NELL2: variants seen among roughly 807,000 people sequenced by gnomAD.
The protein encoded by NELL2 is protein kinase C-binding protein NELL2.
In NELL2, 41 loss-of-function variants were observed where a neutral mutation model predicts 109.6. The observed-to-expected ratio is 0.37, with a 90% CI of 0.29 to 0.49. The LOEUF is 0.49. Among genes scored for constraint, NELL2 ranks in the 20% least tolerant of loss-of-function variants. The pLI, the probability that NELL2 is intolerant of heterozygous loss-of-function variation, is 0.98. For synonymous variants in NELL2, 355 were observed against 344.7 expected (o/e 1.03, Z -0.33); for missense variants, 900 against 1,008.3 (o/e 0.89, Z 1.45).
At position 44,595,593 on chromosome 12, in the gene NELL2, ATTT is replaced by A. The variant is rs57566164; in HGVS notation, c.1663+11573_1663+11575del. ...AGGCGCCTGCCACCACACCCAGCTA[ATTT>A]TTTTTTTTTTTTTTTTTTGTATTTT... is the stretch of plus-strand genomic sequence containing the variant. On this transcript the variant is annotated intron_variant, in intron 15 of 19. Transcript: ENST00000429094. Among the ~76,000 whole-genome samples, 898 of 121,330 alleles carry A rather than the reference ATTT, an allele frequency of 7.4e-3. 8 individuals are homozygous for A. Among genetic ancestry groups the A allele is most frequent in the African/African-American group, 0.022 (696 of 31,804 alleles). The allele number at this position is 121,330 out of a possible 152,430, so 79.6% of individuals were successfully genotyped here.
rs141544027 is a variant in NELL2, at chr12:44,620,067, A to G, written c.1445-9097T>C. Among the ~76,000 whole-genome samples the G allele has an allele frequency of 3.9e-3, 595 of 151,854 alleles. 10 individuals carry two copies. Among genetic ancestry groups the G allele is most frequent in the South Asian group, 0.032 (153 of 4,798 alleles). ...GAAGGTGGTGATGAGATTAATAGAT[A>G]TAAGAGAGCCTCTTACCTTTAGGTA... On this transcript the variant is annotated intron_variant, in intron 13 of 19. Transcript: ENST00000429094.
At chr12:44,611,480 G>A (rs531404760) in intron 13 of NELL2, among the ~76,000 whole-genome samples, 1 of 152,176 alleles carries the variant, frequency 6.6e-6, no homozygotes, top group South Asian at 2.1e-4. Context: ...TAACTGTCTG[G>A]GGAATCTTTG....
intron 3 of NELL2, among the ~76,000 whole-genome samples, chr12:44,782,920 TCAA>T (rs898513955): frequency 1.3e-5 from 2 of 151,810 alleles, no homozygotes; most frequent in African/African-American, 2.4e-5. Context: ...AACATACCAC[TCAA>T]CAACAACAGA....
intron 3 of NELL2, among the ~76,000 whole-genome samples, chr12:44,801,591 C>T (rs1349785216): frequency 6.6e-6 from 1 of 152,096 alleles, no homozygotes; most frequent in Non-Finnish European, 1.5e-5. Flanking sequence ...GGACATGAGC[C>T]TACATCTCTC....
intron 2 of NELL2, among the ~76,000 whole-genome samples, chr12:44,844,875 T>C (rs1042023255): frequency 1.3e-5 from 2 of 152,170 alleles, no homozygotes; most frequent in African/African-American, 4.8e-5. Flanking sequence ...TTTTTCACTG[T>C]GCACAATTAA....
At chr12:44,739,866 G>A (rs1464085090) in intron 9 of NELL2, among the ~76,000 whole-genome samples, 1 of 151,980 alleles carries the variant, frequency 6.6e-6, no homozygotes, top group African/African-American at 2.4e-5. Flanking sequence ...CTCCAGCATG[G>A]GTGACACAGC....
chr12:44,736,004 C>CTTTTTTTTTTTT (rs35988182), intron 9 of NELL2, among the ~76,000 whole-genome samples: 1 of 99,398 alleles, frequency 1.0e-5, no homozygotes, highest in Non-Finnish European at 2.1e-5. Flanking sequence ...GCAGTTAATT[C>CTTTTTTTTTTTT]TTTTTTTTTT....
intron 13 of NELL2, among the ~76,000 whole-genome samples, chr12:44,645,259 A>G (rs911666007): frequency 1.3e-5 from 2 of 152,118 alleles, no homozygotes; most frequent in Non-Finnish European, 2.9e-5. Context: ...CAAGGGAAGA[A>G]CATGGGCCAA....
At chr12:44,570,773 T>C (rs1943837235) in intron 15 of NELL2, among the ~76,000 whole-genome samples, 1 of 152,214 alleles carries the variant, frequency 6.6e-6, no homozygotes, top group Non-Finnish European at 1.5e-5. Context: ...TAAATCGCTT[T>C]ATTTGCCACA....
intron 12 of NELL2, 99 bp downstream of exon 12, chr12:44,703,627 T>C: frequency 8.3e-7 from 1 of 1,202,764 alleles, no homozygotes. Flanking sequence ...CTGCTTTTAA[T>C]GGGCCCATCA....
At chr12:44,513,052 A>G (rs1436914242) in intron 19 of NELL2, among the ~76,000 whole-genome samples, 1 of 152,082 alleles carries the variant, frequency 6.6e-6, no homozygotes, top group African/African-American at 2.4e-5. Context: ...CATATGTATC[A>G]ACACTCTGTA....
intron 13 of NELL2, among the ~76,000 whole-genome samples, chr12:44,633,802 A>C (rs1946541031): frequency 6.6e-6 from 1 of 152,076 alleles, no homozygotes; most frequent in Non-Finnish European, 1.5e-5. Context: ...TTTTTTGGTG[A>C]AACAACATAT....
chr12:44,735,070 T>C (rs1295843319), intron 9 of NELL2, among the ~76,000 whole-genome samples: 1 of 152,152 alleles, frequency 6.6e-6, no homozygotes, highest in Non-Finnish European at 1.5e-5. Context: ...GGCTCCTATT[T>C]AGACTTTTTT....
At chr12:44,685,340 C>T (rs1288548190) in intron 12 of NELL2, among the ~76,000 whole-genome samples, 1 of 152,044 alleles carries the variant, frequency 6.6e-6, no homozygotes, top group Admixed American at 6.5e-5. Flanking sequence ...CTGAATACAG[C>T]ACACTGATGG....
rs1941636207 is a variant in NELL2, at chr12:44,523,574, G to T, written c.1805-90C>A. ...CAGGCCAGTTGTCTCCTGACATAAG[G>T]TATTCAACTGTAAATTAATTTTCAT... On this transcript the variant is annotated intron_variant, in intron 16 of 19. Transcript: ENST00000429094. The T allele has an allele frequency of 4.4e-5, 45 of 1,016,234 alleles. No homozygotes were observed. The South Asian group carries it at 6.2e-4, about 14-fold the overall frequency. The allele number at this position is 1,016,234 out of a possible 1,614,324, so 63.0% of individuals were successfully genotyped here.
At chr12:44,760,582 C>A (rs6582515) in intron 9 of NELL2, among the ~76,000 whole-genome samples, 107,260 of 151,870 alleles carry the variant, frequency 0.71, 38,099 homozygotes, top group Non-Finnish European at 0.74. Context: ...ATCCTAAAAC[C>A]TACTCAAATA....
At position 44,607,320 on chromosome 12, in the gene NELL2, C is replaced by T. The variant is rs1945446750; in HGVS notation, c.1568-56G>A. ...CTTTAGAAGTAAGTAGTTTAATAAA[C>T]TCCAAACCTAGCTTTTCATTATCCC... On this transcript the variant is annotated intron_variant, in intron 14 of 19. Coordinates refer to ENST00000429094, the MANE Select transcript of NELL2 (RefSeq NM_001145108.2). The T allele has an allele frequency of 4.4e-6, 6 of 1,379,008 alleles. No homozygotes were observed. The Admixed American group carries it at 9.9e-5, about 23-fold the overall frequency. The allele number at this position is 1,379,008 out of a possible 1,614,324, so 85.4% of individuals were successfully genotyped here.
chr12:44,873,861 C>A (rs1005270342), intron 2 of NELL2, among the ~76,000 whole-genome samples: 1 of 151,234 alleles, frequency 6.6e-6, no homozygotes, highest in Non-Finnish European at 1.5e-5. Flanking sequence ...TTAAAGGATT[C>A]AATATCCAAG....
At chr12:44,747,233 T>C (rs962597156) in intron 9 of NELL2, among the ~76,000 whole-genome samples, 5 of 151,664 alleles carry the variant, frequency 3.3e-5, no homozygotes, top group African/African-American at 1.2e-4. Context: ...CTCACTCATA[T>C]GTGGGAATTG....
Sources: gnomAD v4.1 joint callset for allele counts (sites outside exome capture counted in the v4.1 genomes callset) on GRCh38, gnomAD v4.1.1 for gene constraint, MANE v1.5 for transcripts, NCBI Gene and HGNC (gene_info 2026-07-23, HGNC 2026-07-21) for gene names.